Variants in ADGRL4 observed in about 807,000 individuals in gnomAD.
The protein encoded by ADGRL4 is adhesion G protein-coupled receptor L4, also known as EGF, latrophilin and seven transmembrane domain containing 1.
A neutral mutation model predicts 74.8 loss-of-function variants in ADGRL4; 90 were observed. That is an observed-to-expected ratio of 1.20 (90% CI 1.02 to 1.43). ADGRL4 has a LOEUF of 1.43. Ranked by LOEUF, ADGRL4 falls within the 40% of genes most tolerant of loss-of-function variation. The pLI is 0.00. For missense variants in ADGRL4, 881 were observed against 814.3 expected, an observed-to-expected ratio of 1.08 and a Z score of -1.00; for synonymous variants, 311 against 279.2, an observed-to-expected ratio of 1.11 and a Z score of -1.14.
chr1:78,965,450 CCAAA>C (rs1469321401), intron 2 of ADGRL4, among the ~76,000 whole-genome samples: 1 of 151,986 alleles, frequency 6.6e-6, no homozygotes. Flanking sequence ...TGGGAGTTAC[CCAAA>C]CAATCAAGTG....
In ADGRL4 at chr1:78,920,340, A is replaced by T. The variant is rs1648971259; in HGVS notation, c.1304T>A (p.Ile435Lys). Residue 435 changes from isoleucine (I) to lysine (K), a missense_variant, in exon 10 of 15, where the codon ATA becomes AAA. Coordinates refer to ENST00000370742, the MANE Select transcript of ADGRL4 (RefSeq NM_022159.4). ...NILTRITQLGIIISLICLAIC... is the reference protein window; with the variant it reads ...NILTRITQLGKIISLICLAIC... ...GGCAAGACAAATCAGTGAAATAATT[A>T]TTCCTAGTTGAGTGATCCTTGTAAG... The T allele has an allele frequency of 6.2e-7, 1 of 1,607,402 alleles. No individual in the cohort carries two copies. Among genetic ancestry groups the T allele is most frequent in the East Asian group, 2.2e-5 (1 of 44,638 alleles).
chr1:78,986,216 A>C (rs949615897), intron 2 of ADGRL4, among the ~76,000 whole-genome samples: 3 of 151,630 alleles, frequency 2.0e-5, no homozygotes, highest in Non-Finnish European at 2.9e-5. Flanking sequence ...TAAAAAACAA[A>C]ATAAAATAAC....
At position 78,987,231 on chromosome 1, in the gene ADGRL4, T is replaced by G. The variant is rs113012446; in HGVS notation, c.172+17839A>C. Among the ~76,000 whole-genome samples the G allele has an allele frequency of 6.7e-3, 1,013 of 151,910 alleles. 10 individuals carry two copies. The highest frequency in any genetic ancestry group is 0.01 in the Middle Eastern group (3 of 294). On this transcript the variant is annotated intron_variant, in intron 2 of 14. Transcript: ENST00000370742. ...ATGACAGGTCATCGTGATATACTAT[T>G]TATTGAATGACTCAGCAATAGCAGT... is the stretch of plus-strand genomic sequence containing the variant.
At chr1:78,959,832 G>A (rs1649908527) in intron 2 of ADGRL4, among the ~76,000 whole-genome samples, 1 of 152,062 alleles carries the variant, frequency 6.6e-6, no homozygotes, top group Non-Finnish European at 1.5e-5. Context: ...ATCACCAAAG[G>A]TGGCCATATA....
chr1:78,893,902 C>T (rs1401874038), intron 12 of ADGRL4, among the ~76,000 whole-genome samples: 1 of 151,554 alleles, frequency 6.6e-6, no homozygotes, highest in Non-Finnish European at 1.5e-5. Flanking sequence ...TCTTATTTTC[C>T]TTTTTCTATA....
chr1:79,001,070 AC>A (rs1165930654), intron 2 of ADGRL4, among the ~76,000 whole-genome samples: 7 of 151,654 alleles, frequency 4.6e-5, no homozygotes, highest in Non-Finnish European at 8.8e-5. Flanking sequence ...ATCAGGAGCC[AC>A]CTCCTTTTGA....
At chr1:78,912,009 A>G (rs955774928) in intron 12 of ADGRL4, among the ~76,000 whole-genome samples, 2 of 151,766 alleles carry the variant, frequency 1.3e-5, no homozygotes, top group Admixed American at 1.3e-4. Flanking sequence ...AAGACTTACT[A>G]GGCACTTCTA....
chr1:78,998,617 C>T (rs940788475), intron 2 of ADGRL4, among the ~76,000 whole-genome samples: 3 of 152,066 alleles, frequency 2.0e-5, no homozygotes, highest in Non-Finnish European at 2.9e-5. Flanking sequence ...CCACCTGCCT[C>T]GGCTTAGCAA....
intron 2 of ADGRL4, among the ~76,000 whole-genome samples, chr1:78,950,257 G>C (rs77027062): frequency 0.039 from 5,904 of 152,194 alleles, 153 homozygotes; most frequent in Middle Eastern, 0.058. Context: ...AAAGGAAGAA[G>C]TTTACCTAAA....
chr1:78,968,956 T>C (rs891943715), intron 2 of ADGRL4, among the ~76,000 whole-genome samples: 2 of 152,212 alleles, frequency 1.3e-5, no homozygotes, highest in Non-Finnish European at 2.9e-5. Context: ...GGAGCTGAAA[T>C]GTTCAAGAAT....
At position 78,958,923 on chromosome 1, in the gene ADGRL4, C is replaced by T. The variant is rs142487058; in HGVS notation, c.173-12497G>A. ...AGTTACCACAGTCTTTGGCAACCAC[C>T]ACCCTGATCCGTCAGCAGCCAACAT... On this transcript the variant is annotated intron_variant, in intron 2 of 14. Transcript: ENST00000370742. Among the ~76,000 whole-genome samples the T allele has an allele frequency of 2.0e-3, 300 of 152,290 alleles. 2 individuals carry two copies. Among genetic ancestry groups the T allele is most frequent in the African/African-American group, 6.9e-3 (285 of 41,552 alleles).
chr1:78,988,879 C>T (rs1650549328), intron 2 of ADGRL4, among the ~76,000 whole-genome samples: 2 of 151,734 alleles, frequency 1.3e-5, no homozygotes, highest in Non-Finnish European at 3.0e-5. Context: ...TTCCATTTTT[C>T]CCAGAATTAA....
chr1:78,960,290 A>G (rs1199982142), intron 2 of ADGRL4, among the ~76,000 whole-genome samples: 2 of 152,190 alleles, frequency 1.3e-5, no homozygotes, highest in Non-Finnish European at 2.9e-5. Context: ...ACCTGTATAC[A>G]TGGCACTTTA....
intron 2 of ADGRL4, among the ~76,000 whole-genome samples, chr1:78,981,716 G>C (rs1265184409): frequency 6.6e-6 from 1 of 151,498 alleles, no homozygotes; most frequent in South Asian, 2.1e-4. Context: ...TTTATGTCTT[G>C]GTTTACCCCA....
chr1:78,932,317 A>T (rs1649259189), intron 7 of ADGRL4, among the ~76,000 whole-genome samples: 1 of 151,514 alleles, frequency 6.6e-6, no homozygotes, highest in Non-Finnish European at 1.5e-5. Flanking sequence ...CCTGCTCCTG[A>T]ATGAATCCTG....
At chr1:78,895,554 A>G (rs1234938452) in intron 12 of ADGRL4, among the ~76,000 whole-genome samples, 1 of 152,186 alleles carries the variant, frequency 6.6e-6, no homozygotes, top group Non-Finnish European at 1.5e-5. Flanking sequence ...GGGACTTAGC[A>G]TTTAAACCTG....
At chr1:78,917,162 TA>T in intron 12 of ADGRL4, among the ~76,000 whole-genome samples, 1 of 151,970 alleles carries the variant, frequency 6.6e-6, no homozygotes, top group African/African-American at 2.4e-5. Flanking sequence ...GATGACAGTC[TA>T]ATCTTCAAAG....
intron 12 of ADGRL4, among the ~76,000 whole-genome samples, chr1:78,902,151 G>T (rs1436125796): frequency 1.3e-5 from 2 of 152,116 alleles, no homozygotes; most frequent in Non-Finnish European, 2.9e-5. Flanking sequence ...GGCATTGACT[G>T]CAGAGGAACC....
At chr1:78,999,559 C>G (rs995571480) in intron 2 of ADGRL4, among the ~76,000 whole-genome samples, 4 of 151,876 alleles carry the variant, frequency 2.6e-5, no homozygotes, top group Non-Finnish European at 5.9e-5. Flanking sequence ...GGCGACAGAG[C>G]GAGACTCCGT....
Sources: allele counts gnomAD v4.1 joint callset (sites outside exome capture counted in the v4.1 genomes callset), GRCh38; gene constraint gnomAD v4.1.1; transcripts MANE v1.5; gene names NCBI Gene and HGNC (gene_info 2026-07-23, HGNC 2026-07-21).